The following SPTB variants were observed in gnomAD, a reference collection of about 807,000 sequenced individuals.
The protein encoded by SPTB is spectrin beta chain, erythrocytic.
In SPTB, 45 loss-of-function variants were observed where a neutral mutation model predicts 256.2. That is an observed-to-expected ratio of 0.18 (90% CI 0.14 to 0.23). The LOEUF (loss-of-function observed/expected upper bound fraction) is 0.23, where lower values mean the gene tolerates loss of function less well. Ranked by LOEUF, SPTB falls within the 10% of genes least tolerant of loss-of-function variation. SPTB has a pLI of 1.00. For synonymous variants in SPTB, 1,231 were observed against 1,243.1 expected, an observed-to-expected ratio of 0.99 and a Z score of 0.21; for missense variants, 2,715 against 3,040.4, an observed-to-expected ratio of 0.89 and a Z score of 2.52.
intron 1 of SPTB, among the ~76,000 whole-genome samples, chr14:64,850,698 G>A (rs532696954): frequency 6.6e-6 from 1 of 152,348 alleles, no homozygotes; most frequent in Admixed American, 6.5e-5. Context: ...TTGTCATCGT[G>A]AAAATGGTGC....
Position 64,752,321 on chromosome 14 carries a change from G to C in SPTB, c.6602+1216C>G. On this transcript the variant is annotated intron_variant, in intron 33 of 35. Coordinates refer to ENST00000644917, the MANE Select transcript of SPTB (RefSeq NM_001355436.2). Reference sequence around the variant, plus strand: ...CCTCTCCCTCTTCTCCCTTACTTTTGAGGGCAGGAAGGTGGAGAAACTAGT... The same window carrying C: ...CCTCTCCCTCTTCTCCCTTACTTTTCAGGGCAGGAAGGTGGAGAAACTAGT... The C allele has an allele frequency of 2.4e-6, 3 of 1,230,552 alleles. No individual in the cohort carries two copies. In the South Asian group the frequency reaches 3.7e-5, roughly 15 times the overall value. The allele number at this position is 1,230,552 out of a possible 1,614,324, so 76.2% of individuals were successfully genotyped here.
chr14:64,774,137 C>T (rs890883475), intron 24 of SPTB, among the ~76,000 whole-genome samples: 3 of 152,190 alleles, frequency 2.0e-5, no homozygotes, highest in Non-Finnish European at 4.4e-5. Flanking sequence ...GCTCTCAGGT[C>T]ACCAAGAGGG....
At position 64,750,017 on chromosome 14, in the gene SPTB, G is replaced by A; in HGVS notation, c.6740C>T (p.Ala2247Val). The change falls in exon 34 of 36, where the codon GCC becomes GTC. Residue 2247 changes from alanine (A) to valine (V), a missense_variant. Ala to Val is a moderately conservative substitution (Grantham distance 64). Around this residue, in one of 4 missense-constraint regions of SPTB, gnomAD observed 2,239 missense variants for 2,384.4 expected, o/e 0.94. Transcript: ENST00000644917. ...ALRHAICEIA[A>V]NYKKKKHVFK... ...GACGTGCTTCTTCTTCTTGTAGTTG[G>A]CAGCAATCTCACAGATGGCATGTCT... is the stretch of plus-strand genomic sequence containing the variant. 6.2e-7 allele frequency: 1 copy of A among 1,614,180 alleles called. No homozygotes were observed. Among genetic ancestry groups the A allele is most frequent in the Non-Finnish European group, 8.5e-7 (1 of 1,180,034 alleles).
Position 64,879,833 on chromosome 14 carries a change from T to TGGCGGC in SPTB, c.-99_-94dup, listed in dbSNP as rs531112547. 4.0e-5 allele frequency: 6 copies of TGGCGGC among 150,228 alleles called. No individual in the cohort carries two copies. Among genetic ancestry groups the TGGCGGC allele is most frequent in the African/African-American group, 9.9e-5 (4 of 40,334 alleles). The allele number at this position is 150,228 out of a possible 1,614,324, so 9.3% of individuals were successfully genotyped here. ...GCGGGGGCCACCCCGAGCCCGGGGGTGGCGGCGGCGGCGGCGCAGGGGGAG... is the reference window on the plus strand; with the variant it reads ...GCGGGGGCCACCCCGAGCCCGGGGGTGGCGGCGGCGGCGGCGGCGGCGCAGGGGGAG... On this transcript the variant is annotated 5_prime_UTR_variant, in exon 1 of 36. Coordinates refer to ENST00000644917, the MANE Select transcript of SPTB (RefSeq NM_001355436.2).
At chr14:64,831,419 G>A (rs1217945464) in intron 1 of SPTB, among the ~76,000 whole-genome samples, 1 of 152,206 alleles carries the variant, frequency 6.6e-6, no homozygotes, top group Non-Finnish European at 1.5e-5. Flanking sequence ...GTAATTCATA[G>A]TAGTGAAAAC....
At position 64,812,776 on chromosome 14, in the gene SPTB, T is replaced by C. The variant is rs12432433; in HGVS notation, c.149-7686A>G. Among the ~76,000 whole-genome samples, 266 of 152,290 alleles carry C rather than the reference T, an allele frequency of 1.7e-3. 3 individuals carry two copies. In the East Asian group the frequency reaches 0.024, roughly 14 times the overall value. ...AATAGGAGCTGTCCTTAAACCAAAC[T>C]GTAAAGTTGAAGTATCTTATCTTTG... On this transcript the variant is annotated intron_variant, in intron 2 of 35. Transcript: ENST00000644917.
chr14:64,779,280 A>G lies in SPTB; in HGVS notation c.4474-34T>C, dbSNP rs749976912. ...ACCAGGAGGCAGGAGAGAGCTGATG[A>G]CAATCACGGCCAACCTTTCCTGAGT... On this transcript the variant is annotated intron_variant, in intron 21 of 35. Coordinates refer to ENST00000644917, the MANE Select transcript of SPTB (RefSeq NM_001355436.2). This position sits in a 1 kb window ranked among gnomAD's most constrained non-coding sequence, Gnocchi z 4.2. 2 of 1,580,382 alleles carry G rather than the reference A, an allele frequency of 1.3e-6. No individual in the cohort carries two copies. The highest frequency in any genetic ancestry group is 8.7e-7 in the Non-Finnish European group (1 of 1,153,172).
At chr14:64,828,072 G>A (rs1012376) in intron 1 of SPTB, among the ~76,000 whole-genome samples, 9,918 of 152,206 alleles carry the variant, frequency 0.065, 425 homozygotes, top group Non-Finnish European at 0.1. Flanking sequence ...CTATGGTTTG[G>A]GGTGCTTAAA....
rs1262223880 is a variant in SPTB at position 64,844,651 on chromosome 14, A to C, written c.-51-21506T>G. Among the ~76,000 whole-genome samples, 1 of 152,236 alleles carries C rather than the reference A, an allele frequency of 6.6e-6. No homozygotes were observed. Among genetic ancestry groups the C allele is most frequent in the Non-Finnish European group, 1.5e-5 (1 of 68,036 alleles). ...TGTTAATAACAGTCCAGCAATTCAC[A>C]TTAACATTTAGCAGGGCTTTAATTG... is the stretch of plus-strand genomic sequence containing the variant. On this transcript the variant is annotated intron_variant, in intron 1 of 35. Transcript: ENST00000644917. This position sits in a 1 kb window ranked among gnomAD's most constrained non-coding sequence, Gnocchi z 4.1.
At chr14:64,766,370 T>C in intron 32 of SPTB, 1 of 1,290,630 alleles carries the variant, frequency 7.7e-7, no homozygotes, top group African/African-American at 1.5e-5. Flanking sequence ...AAAAGGACGG[T>C]GTACAGAAAT....
chr14:64,749,138 G>A lies in SPTB; in HGVS notation c.*168C>T. 1.4e-6 allele frequency: 1 copy of A among 735,722 alleles called. No homozygotes were observed. Among genetic ancestry groups the A allele is most frequent in the Non-Finnish European group, 2.1e-6 (1 of 472,500 alleles). The allele number at this position is 735,722 out of a possible 1,614,324, so 45.6% of individuals were successfully genotyped here. On this transcript the variant is annotated 3_prime_UTR_variant, in exon 36 of 36. Coordinates refer to ENST00000644917, the MANE Select transcript of SPTB (RefSeq NM_001355436.2). This position sits in a 1 kb window ranked among gnomAD's most constrained non-coding sequence, Gnocchi z 4.7. ...AGGGCATGGAGGGGGCGTCGGCCCA[G>A]GACACGCGGGCGAAGGCAGCTTTTG... is the stretch of plus-strand genomic sequence containing the variant.
Position 64,866,228 on chromosome 14 carries a change from C to T in SPTB, c.-52+13564G>A, listed in dbSNP as rs1882174039. On this transcript the variant is annotated intron_variant, in intron 1 of 35. Coordinates refer to ENST00000644917, the MANE Select transcript of SPTB (RefSeq NM_001355436.2). This position sits in a 1 kb window ranked among gnomAD's most constrained non-coding sequence, Gnocchi z 4.6. The stretch of plus-strand genomic sequence containing the variant: ...CACTAGCATTCATGACATTCCAGAG[C>T]TTCTAGAAGCTGCTAGTTGTTTATC... Among the ~76,000 whole-genome samples, 1 of 152,160 alleles carries T rather than the reference C, an allele frequency of 6.6e-6. No individual in the cohort carries two copies. Among genetic ancestry groups the T allele is most frequent in the African/African-American group, 2.4e-5 (1 of 41,440 alleles).
intron 6 of SPTB, 66 bp from the exon 7 acceptor site, chr14:64,801,466 G>A: frequency 8.4e-7 from 1 of 1,192,162 alleles, no homozygotes; most frequent in Non-Finnish European, 1.3e-6. Flanking sequence ...GGCAGCCCTA[G>A]CATGAAGCAG....
intron 15 of SPTB, among the ~76,000 whole-genome samples, chr14:64,789,268 C>A (rs937504028): frequency 6.6e-6 from 1 of 152,154 alleles, no homozygotes; most frequent in Non-Finnish European, 1.5e-5. Context: ...GGGAGAATCA[C>A]TTGAGCCTGG....
At chr14:64,800,219 T>G (rs2082856453) in intron 8 of SPTB, among the ~76,000 whole-genome samples, 2 of 152,258 alleles carry the variant, frequency 1.3e-5, no homozygotes, top group Non-Finnish European at 2.9e-5. Context: ...AAGCTTGCTG[T>G]GCCAGGATGC....
intron 1 of SPTB, among the ~76,000 whole-genome samples, chr14:64,867,683 G>A (rs1305319144): frequency 4.6e-5 from 7 of 151,898 alleles, no homozygotes; most frequent in Non-Finnish European, 7.4e-5. Flanking sequence ...GCGAAACCCC[G>A]TCTCTACTAA....
At chr14:64,754,646 C>T in intron 32 of SPTB, 1 of 152,746 alleles carries the variant, frequency 6.5e-6, no homozygotes, top group Non-Finnish European at 1.5e-5. Flanking sequence ...CTTTACCTCC[C>T]TGCACCTCCC....
chr14:64,875,404 A>G (rs1882769711), intron 1 of SPTB, among the ~76,000 whole-genome samples: 2 of 152,244 alleles, frequency 1.3e-5, no homozygotes, highest in South Asian at 4.1e-4. Flanking sequence ...AGGGAAACAC[A>G]CTATGGCATT....
chr14:64,779,798 A>T lies in SPTB; in HGVS notation c.4400T>A (p.Leu1467Gln). The T allele has an allele frequency of 1.9e-6, 3 of 1,614,030 alleles. No individual in the cohort carries two copies. Among genetic ancestry groups the T allele is most frequent in the Non-Finnish European group, 2.5e-6 (3 of 1,179,984 alleles). Residue 1467 changes from leucine to glutamine, a missense_variant, in exon 21 of 36, where the codon CTA becomes CAA. Coordinates refer to ENST00000644917, the MANE Select transcript of SPTB (RefSeq NM_001355436.2). This position sits in a 1 kb window ranked among gnomAD's most constrained non-coding sequence, Gnocchi z 4.2. The part of the protein sequence containing the change: ...EKRFLDLLEP[L>Q]GRRKKQLESS... ...TTCCAGCTGCTTCTTCCTCCTTCCT[A>T]GGGGTTCCAGGAGGTCCAGGAACCG...
Sources: allele counts gnomAD v4.1 joint callset (sites outside exome capture counted in the v4.1 genomes callset), GRCh38; gene constraint gnomAD v4.1.1; regional missense constraint gnomAD v4.1.1; non-coding constraint Gnocchi (gnomAD v3.1); transcripts MANE v1.5; gene names NCBI Gene and HGNC (gene_info 2026-07-23, HGNC 2026-07-21).